Variants in ADCY2 observed in about 807,000 individuals in gnomAD.
ADCY2 encodes the protein adenylate cyclase 2.
In ADCY2, 31 loss-of-function variants were observed where a neutral mutation model predicts 125.2. That is an observed-to-expected ratio of 0.25 (90% CI 0.19 to 0.33). The LOEUF (loss-of-function observed/expected upper bound fraction) is 0.33. Ranked by LOEUF, ADCY2 falls within the 10% of genes least tolerant of loss-of-function variation. The pLI, the probability that ADCY2 is intolerant of heterozygous loss-of-function variation, is 1.00. For missense variants in ADCY2, 904 were observed against 1,418.2 expected (o/e 0.64, Z 5.82); for synonymous variants, 512 against 548.4 (o/e 0.93, Z 0.93).
chr5:7,608,486 G>T (rs1206814116), intron 3 of ADCY2, among the ~76,000 whole-genome samples: 1 of 152,124 alleles, frequency 6.6e-6, no homozygotes, highest in African/African-American at 2.4e-5. Context: ...TGAGGCATGA[G>T]AATTGCTTGA....
chr5:7,652,979 T>G (rs1490912939), intron 4 of ADCY2, among the ~76,000 whole-genome samples: 2 of 152,194 alleles, frequency 1.3e-5, no homozygotes, highest in Admixed American at 6.5e-5. Context: ...AGAAGCAAGT[T>G]TTAGAATGGA....
intron 5 of ADCY2, among the ~76,000 whole-genome samples, chr5:7,694,402 C>T (rs1239763223): frequency 1.3e-5 from 2 of 152,104 alleles, no homozygotes; most frequent in East Asian, 1.9e-4. Flanking sequence ...TTCTTCATCC[C>T]AAACTAAAGC....
chr5:7,668,728 TCAGA>T (rs1739837905), intron 4 of ADCY2, among the ~76,000 whole-genome samples: 1 of 152,224 alleles, frequency 6.6e-6, no homozygotes, highest in African/African-American at 2.4e-5. Context: ...AAGACATTTG[TCAGA>T]CAAAGGTTTT....
intron 3 of ADCY2, among the ~76,000 whole-genome samples, chr5:7,606,989 G>C (rs1737398545): frequency 6.6e-6 from 1 of 152,070 alleles, no homozygotes; most frequent in South Asian, 2.1e-4. Flanking sequence ...AATTCCACCT[G>C]CCCTGCACAT....
chr5:7,436,288 A>T (rs539312405), intron 2 of ADCY2, among the ~76,000 whole-genome samples: 17 of 152,344 alleles, frequency 1.1e-4, no homozygotes, highest in African/African-American at 4.1e-4. Context: ...TACCTCGAGT[A>T]AAAAGAATTG....
At chr5:7,606,371 C>A (rs1170340363) in intron 3 of ADCY2, among the ~76,000 whole-genome samples, 2 of 152,094 alleles carry the variant, frequency 1.3e-5, no homozygotes, top group East Asian at 3.8e-4. Flanking sequence ...CCTGTTTGGG[C>A]TTATGTCCAA....
intron 1 of ADCY2, among the ~76,000 whole-genome samples, chr5:7,406,451 C>G (rs1739493515): frequency 6.6e-6 from 1 of 152,184 alleles, no homozygotes; most frequent in Non-Finnish European, 1.5e-5. Flanking sequence ...GGATGAAACT[C>G]ATTGGCCCTT....
At chr5:7,799,432 T>C (rs1171124800) in intron 20 of ADCY2, 1 of 152,318 alleles carries the variant, frequency 6.6e-6, no homozygotes, top group East Asian at 1.9e-4. Flanking sequence ...CCAGTAGTTA[T>C]AGTCTTATGG....
Position 7,626,187 on chromosome 5 carries a change from T to A in ADCY2, c.591T>A (p.Ile197=). ...TTTAGATCCTGGCCAATGTGATCATTTTCATCTGTGGGAACCTGGCGGGAG... is the reference window on the plus strand; with the variant it reads ...TTTAGATCCTGGCCAATGTGATCATATTCATCTGTGGGAACCTGGCGGGAG... ...LVWQILANVI[I]FICGNLAGAY... Residue 197 remains isoleucine (I), a synonymous_variant, in exon 4 of 25, where the codon ATT becomes ATA. Coordinates refer to ENST00000338316, the MANE Select transcript of ADCY2 (RefSeq NM_020546.3). 1 of 1,614,008 alleles carries A rather than the reference T, an allele frequency of 6.2e-7. No homozygotes were observed. Among genetic ancestry groups the A allele is most frequent in the Non-Finnish European group, 8.5e-7 (1 of 1,179,948 alleles).
At chr5:7,784,267 A>T (rs1744014292) in intron 18 of ADCY2, 98 bp from the exon 19 acceptor site, 2 of 871,228 alleles carry the variant, frequency 2.3e-6, no homozygotes, top group Non-Finnish European at 3.8e-6. Flanking sequence ...GTAGACAGGC[A>T]CTAGAGAATC....
intron 2 of ADCY2, among the ~76,000 whole-genome samples, chr5:7,456,937 C>G (rs1741694710): frequency 6.6e-6 from 1 of 152,136 alleles, no homozygotes; most frequent in Non-Finnish European, 1.5e-5. Context: ...TTGTAGAAAA[C>G]AGTGATTGTC....
intron 3 of ADCY2, among the ~76,000 whole-genome samples, chr5:7,546,964 T>C (rs1287888576): frequency 1.3e-5 from 2 of 152,176 alleles, no homozygotes; most frequent in South Asian, 4.1e-4. Flanking sequence ...TAAACAACTT[T>C]ACATCATTAT....
intron 4 of ADCY2, among the ~76,000 whole-genome samples, chr5:7,680,931 CAAAGAG>C (rs1311336691): frequency 6.6e-6 from 1 of 151,978 alleles, no homozygotes; most frequent in Non-Finnish European, 1.5e-5. Context: ...TTTCTAAAGA[CAAAGAG>C]AAAGCTTAAA....
chr5:7,644,898 A>G (rs181529695), intron 4 of ADCY2, among the ~76,000 whole-genome samples: 2 of 152,296 alleles, frequency 1.3e-5, no homozygotes, highest in East Asian at 3.9e-4. Flanking sequence ...CCCAAGGCAC[A>G]GTTAGTCTCA....
In ADCY2 at chr5:7,507,366, G is replaced by A. The variant is rs369235131; in HGVS notation, c.409-13372G>A. On this transcript the variant is annotated intron_variant, in intron 2 of 24. Coordinates refer to ENST00000338316, the MANE Select transcript of ADCY2 (RefSeq NM_020546.3). ...TGAGGCAGGAGAATGGCGTGAACCCGGGAGGCGGAGCTTGCAGTGAGCCGA... is the reference window on the plus strand; with the variant it reads ...TGAGGCAGGAGAATGGCGTGAACCCAGGAGGCGGAGCTTGCAGTGAGCCGA... Among the ~76,000 whole-genome samples, 157 of 133,480 alleles carry A rather than the reference G, an allele frequency of 1.2e-3. 3 individuals carry two copies. In the East Asian group the frequency reaches 0.022, roughly 19 times the overall value. The allele number at this position is 133,480 out of a possible 152,430, so 87.6% of individuals were successfully genotyped here. A position where few individuals can be genotyped will look rare whatever the true frequency, so the allele number is the denominator to read the frequency against.
At chr5:7,485,306 A>T (rs534640863) in intron 2 of ADCY2, among the ~76,000 whole-genome samples, 2 of 152,350 alleles carry the variant, frequency 1.3e-5, no homozygotes, top group South Asian at 4.1e-4. Context: ...GAGAGGCAAA[A>T]GGTTAACATT....
chr5:7,743,226 C>T (rs1000860617), intron 14 of ADCY2, among the ~76,000 whole-genome samples: 2 of 151,764 alleles, frequency 1.3e-5, no homozygotes, highest in Non-Finnish European at 2.9e-5. Flanking sequence ...GGTGAGGACT[C>T]AATGTCTCCT....
chr5:7,787,481 G>A (rs1744117795), intron 19 of ADCY2, among the ~76,000 whole-genome samples: 1 of 152,228 alleles, frequency 6.6e-6, no homozygotes, highest in South Asian at 2.1e-4. Context: ...TTAGGACTTG[G>A]AACTATCTTT....
intron 14 of ADCY2, 144 bp from the exon 15 acceptor site, chr5:7,743,524 C>T (rs1742505707): frequency 1.4e-6 from 1 of 730,298 alleles, no homozygotes; most frequent in East Asian, 2.5e-5. Context: ...GGCATTTTAG[C>T]TCCATTTTTA....
Sources: gnomAD v4.1 joint callset for allele counts (sites outside exome capture counted in the v4.1 genomes callset) on GRCh38, gnomAD v4.1.1 for gene constraint, MANE v1.5 for transcripts, NCBI Gene and HGNC (gene_info 2026-07-23, HGNC 2026-07-21) for gene names.